The following SORCS2 variants were observed in gnomAD, a reference collection of about 807,000 sequenced individuals.
The protein encoded by SORCS2 is sortilin related VPS10 domain containing receptor 2.
A neutral mutation model predicts 141.6 loss-of-function variants in SORCS2; 100 were observed. The observed-to-expected ratio is 0.71, with a 90% confidence interval of 0.60 to 0.83. The LOEUF (loss-of-function observed/expected upper bound fraction) is 0.83. SORCS2 is among the 40% of genes least tolerant of loss of function. SORCS2 has a pLI of 0.00. For missense variants in SORCS2, 1,646 were observed against 1,560.2 expected, an observed-to-expected ratio of 1.05 and a Z score of -0.93; for synonymous variants, 789 against 676.9, an observed-to-expected ratio of 1.17 and a Z score of -2.57.
At chr4:7,672,731 T>A (rs1292458711) in intron 8 of SORCS2, among the ~76,000 whole-genome samples, 1 of 152,194 alleles carries the variant, frequency 6.6e-6, no homozygotes, top group African/African-American at 2.4e-5. Flanking sequence ...TCGTCTTAGT[T>A]CAACAAACCC....
At chr4:7,194,346 C>G (rs533998656) in intron 1 of SORCS2, among the ~76,000 whole-genome samples, 4 of 152,186 alleles carry the variant, frequency 2.6e-5, no homozygotes, top group African/African-American at 9.7e-5. Flanking sequence ...TGCCCATCTC[C>G]TCTGTCCAGC....
At chr4:7,240,851 T>C (rs2108790421) in intron 1 of SORCS2, among the ~76,000 whole-genome samples, 1 of 152,302 alleles carries the variant, frequency 6.6e-6, no homozygotes. Context: ...TACACCCCGG[T>C]CGACCTTCAT....
chr4:7,657,838 G>GTGAGTGAGTGAA lies in SORCS2; in HGVS notation c.887+3637_888-3645dup, dbSNP rs1221832740. Among the ~76,000 whole-genome samples the GTGAGTGAGTGAA allele has an allele frequency of 4.1e-4, 62 of 151,694 alleles. No homozygotes were observed. In the East Asian group the frequency reaches 8.3e-3, roughly 20 times the overall value. ...AGTGAGTGGGTGAGTCTGTGACTGA[G>GTGAGTGAGTGAA]TGAGTGAGTGAATGAGTAAGTGAAT... On this transcript the variant is annotated intron_variant, in intron 5 of 26. Coordinates refer to ENST00000507866, the MANE Select transcript of SORCS2 (RefSeq NM_020777.3).
intron 1 of SORCS2, among the ~76,000 whole-genome samples, chr4:7,236,631 G>C (rs1411947682): frequency 1.3e-5 from 2 of 152,080 alleles, no homozygotes; most frequent in Non-Finnish European, 2.9e-5. Context: ...ACCCAGGCTG[G>C]AGTGCAGTGG....
intron 3 of SORCS2, among the ~76,000 whole-genome samples, chr4:7,623,664 T>G (rs933619782): frequency 3.3e-5 from 5 of 152,146 alleles, no homozygotes; most frequent in African/African-American, 1.2e-4. Flanking sequence ...TCCTGCTGGA[T>G]TGGTCACCTG....
At chr4:7,249,756 C>T (rs1713353463) in intron 1 of SORCS2, among the ~76,000 whole-genome samples, 2 of 152,198 alleles carry the variant, frequency 1.3e-5, no homozygotes, top group South Asian at 4.1e-4. Context: ...CACAGAACTC[C>T]CTTCCCCTCC....
chr4:7,394,274 C>T (rs762372545), intron 1 of SORCS2, among the ~76,000 whole-genome samples: 4 of 152,016 alleles, frequency 2.6e-5, no homozygotes, highest in Admixed American at 1.3e-4. Context: ...GGTGTGAGTG[C>T]TTGTTATATG....
intron 1 of SORCS2, among the ~76,000 whole-genome samples, chr4:7,381,299 G>A (rs1722981164): frequency 6.6e-6 from 1 of 152,196 alleles, no homozygotes; most frequent in African/African-American, 2.4e-5. Context: ...GAGCATTCCA[G>A]CACAGGGCTG....
At chr4:7,641,591 A>G (rs1238252963) in intron 4 of SORCS2, among the ~76,000 whole-genome samples, 2 of 152,058 alleles carry the variant, frequency 1.3e-5, no homozygotes, top group Admixed American at 6.5e-5. Flanking sequence ...AATACATGCA[A>G]TTGGGGTAAG....
At chr4:7,739,047 C>T (rs1443024581) in intron 26 of SORCS2, among the ~76,000 whole-genome samples, 14 of 152,174 alleles carry the variant, frequency 9.2e-5, no homozygotes, top group East Asian at 3.9e-4. Context: ...CCCAGCTCAG[C>T]GCCTCCCAGA....
chr4:7,740,563 C>G lies in SORCS2; in HGVS notation c.*299C>G. The G allele has an allele frequency of 2.2e-6, 1 of 461,662 alleles. No homozygotes were observed. The highest frequency in any genetic ancestry group is 4.0e-6 in the Non-Finnish European group (1 of 249,960). The allele number at this position is 461,662 out of a possible 1,614,324, so 28.6% of individuals were successfully genotyped here. A position where few individuals can be genotyped will look rare whatever the true frequency, so the allele number is the denominator to read the frequency against. Reference sequence around the variant, plus strand: ...GCCGCCCCACGTGCTGTCGCTCAGCCCGAGGCCTGACTTCTCTGGGCTGAG... The same window carrying G: ...GCCGCCCCACGTGCTGTCGCTCAGCGCGAGGCCTGACTTCTCTGGGCTGAG... On this transcript the variant is annotated 3_prime_UTR_variant, in exon 27 of 27. Transcript: ENST00000507866.
intron 11 of SORCS2, among the ~76,000 whole-genome samples, chr4:7,694,349 G>A (rs1724459535): frequency 6.6e-6 from 1 of 152,082 alleles, no homozygotes; most frequent in Non-Finnish European, 1.5e-5. Flanking sequence ...TAAAATGAGG[G>A]TGTCAGCCTC....
chr4:7,386,466 CAT>C (rs1455470811), intron 1 of SORCS2, among the ~76,000 whole-genome samples: 1 of 89,470 alleles, frequency 1.1e-5, no homozygotes, highest in Non-Finnish European at 2.3e-5. Context: ...CACGCACACA[CAT>C]GCACACACAT....
At position 7,301,587 on chromosome 4, in the gene SORCS2, G is replaced by A. The variant is rs576927246; in HGVS notation, c.481-94701G>A. 5.5e-4 allele frequency among the ~76,000 whole-genome samples: 84 copies of A among 152,342 alleles called. 1 individual carries two copies. Among genetic ancestry groups the A allele is most frequent in the Non-Finnish European group, 7.2e-4 (49 of 68,040 alleles). ...GAGCACCCTCGACCCTTCTCCCCACGGGGCAGAGGCCTAGGTTGGCGCCTG... is the reference window on the plus strand; with the variant it reads ...GAGCACCCTCGACCCTTCTCCCCACAGGGCAGAGGCCTAGGTTGGCGCCTG... On this transcript the variant is annotated intron_variant, in intron 1 of 26. Transcript: ENST00000507866.
At chr4:7,268,653 G>C (rs935564358) in intron 1 of SORCS2, among the ~76,000 whole-genome samples, 1 of 152,206 alleles carries the variant, frequency 6.6e-6, no homozygotes, top group South Asian at 2.1e-4. Flanking sequence ...CACACGAGTG[G>C]GTGACCACCT....
chr4:7,375,601 A>G (rs1020015994), intron 1 of SORCS2, among the ~76,000 whole-genome samples: 8 of 152,244 alleles, frequency 5.3e-5, no homozygotes, highest in African/African-American at 1.7e-4. Context: ...ATGGAGGAAC[A>G]TCTGAGTTCA....
chr4:7,357,645 A>G (rs1268454364), intron 1 of SORCS2, among the ~76,000 whole-genome samples: 5 of 152,340 alleles, frequency 3.3e-5, no homozygotes, highest in East Asian at 3.9e-4. Context: ...GAGATAATAC[A>G]AGCTCTACTG....
chr4:7,686,405 A>C (rs1165464006), intron 10 of SORCS2, among the ~76,000 whole-genome samples: 1 of 152,052 alleles, frequency 6.6e-6, no homozygotes, highest in Non-Finnish European at 1.5e-5. Context: ...TTTGCTAGAC[A>C]CTTCTTTAGG....
rs1045620646 is a variant in SORCS2, at chr4:7,193,609, G to A, written c.480+483G>A. ...CCTCCGCAGGCTCCGGGACTTCCCCGGTCAGCTCGAATCCTGTTCTGGGAC... is the reference window on the plus strand; with the variant it reads ...CCTCCGCAGGCTCCGGGACTTCCCCAGTCAGCTCGAATCCTGTTCTGGGAC... On this transcript the variant is annotated intron_variant, in intron 1 of 26. Coordinates refer to ENST00000507866, the MANE Select transcript of SORCS2 (RefSeq NM_020777.3). This position sits in a 1 kb window ranked among gnomAD's most constrained non-coding sequence, Gnocchi z 4.8. 1.1e-4 allele frequency among the ~76,000 whole-genome samples: 17 copies of A among 152,176 alleles called. No individual in the cohort carries two copies. Among genetic ancestry groups the A allele is most frequent in the Non-Finnish European group, 1.8e-4 (12 of 68,030 alleles).
Sources: gnomAD v4.1 joint callset for allele counts (sites outside exome capture counted in the v4.1 genomes callset) on GRCh38, gnomAD v4.1.1 for gene constraint, Gnocchi (gnomAD v3.1) non-coding constraint, MANE v1.5 for transcripts, NCBI Gene and HGNC (gene_info 2026-07-23, HGNC 2026-07-21) for gene names.